FSIP2: variants seen among roughly 807,000 people sequenced by gnomAD.
The protein encoded by FSIP2 is fibrous sheath-interacting protein 2.
In FSIP2, 367 loss-of-function variants were observed where a neutral mutation model predicts 510.5. That is an observed-to-expected ratio of 0.72 (90% CI 0.66 to 0.78). The LOEUF (loss-of-function observed/expected upper bound fraction) is 0.78, where lower values mean the gene tolerates loss of function less well. Among genes scored for constraint, FSIP2 ranks in the 30% least tolerant of loss-of-function variants. The probability of loss-of-function intolerance (pLI) is 0.00; values close to 1 mark genes in which losing one functional copy is unlikely to be tolerated. For synonymous variants in FSIP2, 2,601 were observed against 2,732.2 expected (o/e 0.95, Z 1.50); for missense variants, 7,594 against 7,901.7 (o/e 0.96, Z 1.48).
At position 185,791,339 on chromosome 2, in the gene FSIP2, T is replaced by C. The variant is rs1475074903; in HGVS notation, c.4203T>C (p.Asp1401=). Residue 1401 remains aspartate, a synonymous_variant, in exon 16 of 23, where the codon GAT becomes GAC. Coordinates refer to ENST00000424728, the MANE Select transcript of FSIP2 (RefSeq NM_173651.4). ...AAAGCATTTTGCCAAATAGGCAAGA[T>C]AAAAAATCTTTTCACAAATATTTGG... ...DVQSILPNRQ[D]KKSFHKYLAT... The C allele has an allele frequency of 6.5e-7, 1 of 1,534,178 alleles. No homozygotes were observed. The highest frequency in any genetic ancestry group is 8.7e-7 in the Non-Finnish European group (1 of 1,145,552).
chr2:185,759,822 A>G (rs954393864), intron 9 of FSIP2, among the ~76,000 whole-genome samples: 7 of 150,470 alleles, frequency 4.7e-5, no homozygotes, highest in East Asian at 1.9e-4. Context: ...CTCTTCTTCA[A>G]TTTCCTGGAA....
Position 185,803,054 on chromosome 2 carries a change from A to G in FSIP2, c.13748A>G (p.His4583Arg), listed in dbSNP as rs556750479. Residue 4583 changes from histidine (H) to arginine (R), a missense_variant, in exon 17 of 23, where the codon CAT becomes CGT. His to Arg is a conservative substitution (Grantham distance 29). Coordinates refer to ENST00000424728, the MANE Select transcript of FSIP2 (RefSeq NM_173651.4). Reference sequence around the variant, plus strand: ...AGAATAGCAGGTTTCATCATTAAACATATCTGTCAAAAACATCTTCAGCCA... The same window carrying G: ...AGAATAGCAGGTTTCATCATTAAACGTATCTGTCAAAAACATCTTCAGCCA... ...IDRIAGFIIK[H>R]ICQKHLQPFV... 2 of 1,517,624 alleles carry G rather than the reference A, an allele frequency of 1.3e-6. No individual in the cohort carries two copies. Among genetic ancestry groups the G allele is most frequent in the East Asian group, 2.5e-5 (1 of 40,728 alleles). The allele number at this position is 1,517,624 out of a possible 1,614,324, so 94.0% of individuals were successfully genotyped here.
Position 185,792,176 on chromosome 2 carries a change from G to C in FSIP2, c.5040G>C (p.Lys1680Asn). 1 of 1,532,136 alleles carries C rather than the reference G, an allele frequency of 6.5e-7. No individual in the cohort carries two copies. Among genetic ancestry groups the C allele is most frequent in the Non-Finnish European group, 8.7e-7 (1 of 1,144,648 alleles). The allele number at this position is 1,532,136 out of a possible 1,614,324, so 94.9% of individuals were successfully genotyped here. The change falls in exon 16 of 23, where the codon AAG (lysine) becomes AAC (asparagine). Residue 1680 changes from lysine to asparagine, a missense_variant. Lys to Asn is a moderately conservative substitution (Grantham distance 94). Transcript: ENST00000424728. ...ENPPPETQIL[K>N]YVVKLILDAV... ...CACCACCTGAGACTCAAATACTTAA[G>C]TATGTAGTCAAGTTAATTTTAGATG...
At chr2:185,828,296 T>C in intron 21 of FSIP2, 97 bp downstream of exon 21, 1 of 716,570 alleles carries the variant, frequency 1.4e-6, no homozygotes, top group Middle Eastern at 2.6e-4. Flanking sequence ...TGGTATGATT[T>C]GAAGGATATC....
At position 185,795,521 on chromosome 2, in the gene FSIP2, A is replaced by T. The variant is rs1445975389; in HGVS notation, c.8385A>T (p.Lys2795Asn). The change falls in exon 16 of 23, where the codon AAA becomes AAT. Residue 2795 changes from lysine to asparagine, a missense_variant. By Grantham distance (94) the Lys-to-Asn change is moderately conservative (BLOSUM62 0). Coordinates refer to ENST00000424728, the MANE Select transcript of FSIP2 (RefSeq NM_173651.4). ...TNNCNLAYPM[K>N]SSHLRLSQGN... ...ACTGCAATTTGGCTTACCCGATGAAATCCTCACATCTCAGACTTTCACAGG... is the reference window on the plus strand; with the variant it reads ...ACTGCAATTTGGCTTACCCGATGAATTCCTCACATCTCAGACTTTCACAGG... 1.1e-5 allele frequency: 17 copies of T among 1,534,806 alleles called. No individual in the cohort carries two copies. Among genetic ancestry groups the T allele is most frequent in the Non-Finnish European group, 1.5e-5 (17 of 1,146,030 alleles).
chr2:185,808,639 G>T lies in FSIP2; in HGVS notation c.19333G>T (p.Asp6445Tyr), dbSNP rs1379596473. ...CAAAGAATTTTATTATGATATAAAA[G>T]ATACAAATACAGCCTTTCCTAAAAA... ...TNKEFYYDIK[D>Y]TNTAFPKKVA... Residue 6445 changes from aspartate to tyrosine, a missense_variant, in exon 17 of 23, where the codon GAT (aspartate) becomes TAT (tyrosine). Transcript: ENST00000424728. 3.1e-6 allele frequency: 5 copies of T among 1,604,590 alleles called. No homozygotes were observed. In the Admixed American group the frequency reaches 6.8e-5, roughly 22 times the overall value.
chr2:185,812,515 T>G (rs2105664893), intron 17 of FSIP2, among the ~76,000 whole-genome samples: 1 of 152,172 alleles, frequency 6.6e-6, no homozygotes, highest in East Asian at 1.9e-4. Flanking sequence ...ATTATCTATC[T>G]TCAACAAAAG....
Position 185,793,216 on chromosome 2 carries a change from T to G in FSIP2, c.6080T>G (p.Leu2027Ter). 3 of 1,533,910 alleles carry G rather than the reference T, an allele frequency of 2.0e-6. No individual in the cohort carries two copies. Among genetic ancestry groups the G allele is most frequent in the Non-Finnish European group, 2.6e-6 (3 of 1,145,480 alleles). Residue 2027 changes from leucine to a stop codon, truncating the protein, a stop_gained, in exon 16 of 23, where the codon TTA becomes TGA. Transcript: ENST00000424728. LOFTEE classifies it high-confidence loss of function. ...ELDKERENPF[L>*]THDIGISESI... ...GATAAAGAAAGGGAAAATCCTTTTT[T>G]AACTCATGACATTGGGATTTCTGAA...
intron 20 of FSIP2, among the ~76,000 whole-genome samples, chr2:185,825,190 A>G (rs1693993949): frequency 6.6e-6 from 1 of 151,870 alleles, no homozygotes; most frequent in South Asian, 2.1e-4. Context: ...ATAATCCATA[A>G]AATAGCATTA....
In FSIP2 at chr2:185,790,720, C is replaced by T; in HGVS notation, c.3584C>T (p.Ser1195Leu). Residue 1195 changes from serine (S) to leucine (L), a missense_variant, in exon 16 of 23, where the codon TCA becomes TTA. By Grantham distance (145) the Ser-to-Leu change is moderately radical (BLOSUM62 -2). Transcript: ENST00000424728. ...AATACCACTAAAAGTTCCATTTCAT[C>T]ATCAGTTCATCAGATTTCCTTACAT... ...ISNTTKSSIS[S>L]SVHQISLHNS... is the part of the protein sequence containing the mutation. 3 of 1,533,692 alleles carry T rather than the reference C, an allele frequency of 2.0e-6. No homozygotes were observed. The highest frequency in any genetic ancestry group is 2.6e-6 in the Non-Finnish European group (3 of 1,145,232).
rs761677412 is a variant in FSIP2, at chr2:185,796,754, ACCC to A, written c.9619_9621del (p.Pro3207del). On this transcript the variant is annotated inframe_deletion, in exon 16 of 23. Transcript: ENST00000424728. ...AAAAGTACAGGGTTTCATCAGATTTACCCACCTCTGTCAGATCCTCTGTAGAAG... is the reference window on the plus strand; with the variant it reads ...AAAAGTACAGGGTTTCATCAGATTTAACCTCTGTCAGATCCTCTGTAGAAG... The A allele has an allele frequency of 4.8e-5, 73 of 1,534,928 alleles. No homozygotes were observed. The highest frequency in any genetic ancestry group is 3.3e-4 in the Middle Eastern group (2 of 6,002).
rs2105646752 is a variant in FSIP2 at position 185,804,618 on chromosome 2, T to A, written c.15312T>A (p.His5104Gln). 6.5e-7 allele frequency: 1 copy of A among 1,533,354 alleles called. No homozygotes were observed. Among genetic ancestry groups the A allele is most frequent in the East Asian group, 2.4e-5 (1 of 40,824 alleles). 95.0% of individuals were successfully genotyped at this position (1,533,354 alleles called of 1,614,324 possible). Residue 5104 changes from histidine (H) to glutamine (Q), a missense_variant, in exon 17 of 23, where the codon CAT (histidine) becomes CAA (glutamine). Physicochemically the swap from His to Gln is conservative, Grantham distance 24. Transcript: ENST00000424728. ...NVLNIITKDS[H>Q]ALPPYITVLP... Reference sequence around the variant, plus strand: ...TTAACATAATCACAAAGGATAGCCATGCCTTGCCACCATATATTACTGTGT... The same window carrying A: ...TTAACATAATCACAAAGGATAGCCAAGCCTTGCCACCATATATTACTGTGT...
rs1691983065 is a variant in FSIP2 at position 185,744,347 on chromosome 2, A to G, written c.413A>G (p.Asn138Ser). 2 of 1,223,850 alleles carry G rather than the reference A, an allele frequency of 1.6e-6. No homozygotes were observed. Among genetic ancestry groups the G allele is most frequent in the South Asian group, 2.1e-5 (1 of 48,134 alleles). 75.8% of individuals were successfully genotyped at this position (1,223,850 alleles called of 1,614,324 possible). ...NKVVCTLRELNKYRQYLTSLK... is the reference protein window; with the variant it reads ...NKVVCTLRELSKYRQYLTSLK... ...GTTGTATGTACCTTGAGAGAATTGAATAAGTACAGGCAATATCTTACCAGT... is the reference window on the plus strand; with the variant it reads ...GTTGTATGTACCTTGAGAGAATTGAGTAAGTACAGGCAATATCTTACCAGT... The change falls in exon 4 of 23, where the codon AAT (asparagine) becomes AGT (serine). Residue 138 changes from asparagine to serine, a missense_variant. Transcript: ENST00000424728.
rs1271316569 is a variant in FSIP2, at chr2:185,807,940, A to G, written c.18634A>G (p.Ile6212Val). 2 of 1,605,508 alleles carry G rather than the reference A, an allele frequency of 1.2e-6. No individual in the cohort carries two copies. The highest frequency in any genetic ancestry group is 2.2e-5 in the East Asian group (1 of 44,570). The change falls in exon 17 of 23, where the codon ATA becomes GTA. Residue 6212 changes from isoleucine (I) to valine (V), a missense_variant. Transcript: ENST00000424728. ...TKSLETDMQKITSKVLNSVQE... is the reference protein window; with the variant it reads ...TKSLETDMQKVTSKVLNSVQE... Reference sequence around the variant, plus strand: ...ATCTCTAGAGACTGATATGCAAAAAATAACTTCAAAAGTACTAAATTCAGT... The same window carrying G: ...ATCTCTAGAGACTGATATGCAAAAAGTAACTTCAAAAGTACTAAATTCAGT...
At chr2:185,780,942 C>A (rs1476037741) in intron 13 of FSIP2, among the ~76,000 whole-genome samples, 1 of 152,094 alleles carries the variant, frequency 6.6e-6, no homozygotes, top group African/African-American at 2.4e-5. Flanking sequence ...AACTCAAGGT[C>A]ATAGAAAACA....
chr2:185,790,373 T>G lies in FSIP2; in HGVS notation c.3237T>G (p.Asp1079Glu). ...KTEPPSTNHE[D>E]ILKKKLSSNK... ...AGCCACCATCTACTAATCATGAAGA[T>G]ATTTTAAAGAAAAAACTTTCTTCGA... The change falls in exon 16 of 23, where the codon GAT becomes GAG. Residue 1079 changes from aspartate to glutamate, a missense_variant. Transcript: ENST00000424728. 1 of 1,528,480 alleles carries G rather than the reference T, an allele frequency of 6.5e-7. No individual in the cohort carries two copies. The highest frequency in any genetic ancestry group is 8.7e-7 in the Non-Finnish European group (1 of 1,144,098). 94.7% of individuals were successfully genotyped at this position (1,528,480 alleles called of 1,614,324 possible).
chr2:185,814,026 A>C lies in FSIP2; in HGVS notation c.20309A>C (p.Glu6770Ala). The stretch of plus-strand genomic sequence containing the variant: ...GAAACAGCCTCTTCATCTTGGGAGG[A>C]AAAGCCCCAGTGTAAGGTAAGTGAT... ...MPETASSSWEEKPQCKKEEKN... is the reference protein window; with the variant it reads ...MPETASSSWEAKPQCKKEEKN... Residue 6770 changes from glutamate (E) to alanine (A), a missense_variant, in exon 18 of 23, where the codon GAA (glutamate) becomes GCA (alanine). Transcript: ENST00000424728. 6.2e-7 allele frequency: 1 copy of C among 1,612,044 alleles called. No individual in the cohort carries two copies. Among genetic ancestry groups the C allele is most frequent in the South Asian group, 1.1e-5 (1 of 90,888 alleles).
chr2:185,741,933 G>C (rs770251562), intron 2 of FSIP2, among the ~76,000 whole-genome samples: 1 of 152,138 alleles, frequency 6.6e-6, no homozygotes. Flanking sequence ...TGCAACTGTG[G>C]TTACGGCCAG....
At chr2:185,829,692 G>C (rs1242811602) in intron 21 of FSIP2, among the ~76,000 whole-genome samples, 1 of 151,966 alleles carries the variant, frequency 6.6e-6, no homozygotes, top group Non-Finnish European at 1.5e-5. Context: ...GACCAATAGG[G>C]AAAGGGTCCT....
Sources: allele counts gnomAD v4.1 joint callset (sites outside exome capture counted in the v4.1 genomes callset), GRCh38; gene constraint gnomAD v4.1.1; transcripts MANE v1.5; gene names NCBI Gene and HGNC (gene_info 2026-07-23, HGNC 2026-07-21).